Variants in LMO7 observed in about 807,000 individuals in gnomAD.
LMO7 encodes LIM domain 7, also known as LIM domain only protein 7.
Under a neutral mutation model 206.5 loss-of-function variants are expected in LMO7, and 120 were observed. The observed-to-expected ratio is 0.58, with a 90% CI of 0.50 to 0.68. The LOEUF is 0.68. Ranked by LOEUF, LMO7 falls within the 30% of genes least tolerant of loss-of-function variation. LMO7 has a pLI of 0.00. For synonymous variants in LMO7, 706 were observed against 681.5 expected, an observed-to-expected ratio of 1.04 and a Z score of -0.56; for missense variants, 1,959 against 1,957.9, an observed-to-expected ratio of 1.00 and a Z score of -0.01.
At chr13:75,810,280 A>C (rs532227059) in intron 11 of LMO7, among the ~76,000 whole-genome samples, 1 of 152,360 alleles carries the variant, frequency 6.6e-6, no homozygotes, top group South Asian at 2.1e-4. Flanking sequence ...TAATCTGCTC[A>C]AGCCTCAGTA....
chr13:75,838,398 CTT>C (rs1330083035), intron 20 of LMO7: 35 of 1,318,786 alleles, frequency 2.7e-5, no homozygotes, highest in Non-Finnish European at 3.3e-5. Context: ...GGTAATGGGT[CTT>C]TGTGTGTCCT....
At chr13:75,659,195 A>C (rs1006957528) in intron 1 of LMO7, among the ~76,000 whole-genome samples, 9 of 152,202 alleles carry the variant, frequency 5.9e-5, no homozygotes, top group Non-Finnish European at 7.3e-5. Flanking sequence ...GTCTTTAACA[A>C]ATCAATTTAT....
rs1471786188 is a variant in LMO7 at position 75,695,324 on chromosome 13, C to G, written c.70-17858C>G. ...TTTGGCTTCTGAACATTTTCTGTGT[C>G]AGGATTTTTTCTCCCAAAATGCACA... On this transcript the variant is annotated intron_variant, in intron 1 of 30. Transcript: ENST00000377534. Among the ~76,000 whole-genome samples, 4 of 152,286 alleles carry G rather than the reference C, an allele frequency of 2.6e-5. 1 individual carries two copies. The highest frequency in any genetic ancestry group is 2.6e-4 in the Admixed American group (4 of 15,300).
chr13:75,719,488 C>T (rs564640906), intron 2 of LMO7, among the ~76,000 whole-genome samples: 1 of 152,210 alleles, frequency 6.6e-6, no homozygotes, highest in South Asian at 2.1e-4. Flanking sequence ...GGGGAGGGAC[C>T]TGATGGGAGG....
At chr13:75,765,753 G>A (rs2048789375) in intron 4 of LMO7, among the ~76,000 whole-genome samples, 1 of 152,110 alleles carries the variant, frequency 6.6e-6, no homozygotes, top group African/African-American at 2.4e-5. Context: ...ACAAGCCATT[G>A]AATAATTCAA....
At chr13:75,630,444 G>T (rs932742361) in intron 2 of LMO7, among the ~76,000 whole-genome samples, 2 of 152,180 alleles carry the variant, frequency 1.3e-5, no homozygotes, top group Non-Finnish European at 2.9e-5. Flanking sequence ...AGGCTGAGGC[G>T]GGTGGATTGC....
At chr13:75,636,774 G>C in intron 1 of LMO7, 48 bp downstream of exon 1, 2 of 1,549,328 alleles carry the variant, frequency 1.3e-6, no homozygotes, top group East Asian at 2.3e-5. Flanking sequence ...GACTGCCTCG[G>C]GGCGGTCGTC....
Position 75,821,282 on chromosome 13 carries a change from A to G in LMO7, c.2313A>G (p.Glu771=). ...GACCCCCTACAATGACTGTGTCAGA[A>G]GCAAGTTACCAGAGTGAGAGAGTAG... is the stretch of plus-strand genomic sequence containing the variant. ...GKRPPTMTVS[E]ASYQSERVEE... Residue 771 remains glutamate, a synonymous_variant, in exon 14 of 31, where the codon GAA becomes GAG. Coordinates refer to ENST00000377534, the MANE Select transcript of LMO7 (RefSeq NM_001306080.2). 6.2e-7 allele frequency: 1 copy of G among 1,614,146 alleles called. No homozygotes were observed. The highest frequency in any genetic ancestry group is 8.5e-7 in the Non-Finnish European group (1 of 1,179,974).
chr13:75,759,923 C>T (rs2048011630), intron 3 of LMO7, among the ~76,000 whole-genome samples: 2 of 152,120 alleles, frequency 1.3e-5, no homozygotes, highest in African/African-American at 2.4e-5. Context: ...GCAGCATTAC[C>T]AGCTGCCTCA....
At chr13:75,649,018 G>A (rs1330185175) in intron 1 of LMO7, among the ~76,000 whole-genome samples, 1 of 152,202 alleles carries the variant, frequency 6.6e-6, no homozygotes, top group Non-Finnish European at 1.5e-5. Context: ...GTTGATGCGT[G>A]GGAGGTAACA....
intron 11 of LMO7, among the ~76,000 whole-genome samples, chr13:75,815,315 G>T (rs1209298469): frequency 1.3e-5 from 2 of 152,142 alleles, no homozygotes; most frequent in Non-Finnish European, 2.9e-5. Context: ...GTAAGAAGTG[G>T]TTATGTTCTA....
At chr13:75,855,850 G>T (rs1429804051) in intron 29 of LMO7, among the ~76,000 whole-genome samples, 1 of 152,212 alleles carries the variant, frequency 6.6e-6, no homozygotes, top group African/African-American at 2.4e-5. Flanking sequence ...AACTAAGGCT[G>T]TAATTGTTTG....
intron 1 of LMO7, among the ~76,000 whole-genome samples, chr13:75,711,343 T>C (rs1212046909): frequency 6.6e-6 from 1 of 152,210 alleles, no homozygotes; most frequent in Non-Finnish European, 1.5e-5. Flanking sequence ...TCCCTCTTTT[T>C]CTATTGATTA....
intron 1 of LMO7, among the ~76,000 whole-genome samples, chr13:75,649,710 C>G (rs1433251668): frequency 1.3e-5 from 2 of 152,202 alleles, no homozygotes; most frequent in African/African-American, 4.8e-5. Context: ...TCATTCCCTA[C>G]TGTCAGCTTA....
At position 75,761,026 on chromosome 13, in the gene LMO7, G is replaced by A. The variant is rs770844200; in HGVS notation, c.305G>A (p.Arg102Gln). 3.9e-5 allele frequency: 62 copies of A among 1,609,082 alleles called. No homozygotes were observed. Among genetic ancestry groups the A allele is most frequent in the Admixed American group, 6.7e-5 (4 of 59,642 alleles). ...HPGDLQDLSN[R>Q]VTVKQEETDR... ...GGAGATCTACAGGATTTATCAAATC[G>A]AGTCACTGTCAAGTAAGTTTCAACA... Residue 102 changes from arginine to glutamine, a missense_variant, in exon 4 of 31, where the codon CGA becomes CAA. Coordinates refer to ENST00000377534, the MANE Select transcript of LMO7 (RefSeq NM_001306080.2).
chr13:75,663,441 T>TC (rs1319581047), intron 1 of LMO7, among the ~76,000 whole-genome samples: 2 of 146,270 alleles, frequency 1.4e-5, no homozygotes, highest in South Asian at 2.2e-4. Context: ...TCTTTTTTTT[T>TC]TTTTTTTGAG....
chr13:75,660,907 A>G (rs1464328365), intron 1 of LMO7, among the ~76,000 whole-genome samples: 1 of 152,176 alleles, frequency 6.6e-6, no homozygotes, highest in Non-Finnish European at 1.5e-5. Context: ...GGGTTGACTG[A>G]TAACAGATAC....
chr13:75,816,303 G>C (rs1231543502), intron 11 of LMO7, among the ~76,000 whole-genome samples: 1 of 152,226 alleles, frequency 6.6e-6, no homozygotes, highest in Non-Finnish European at 1.5e-5. Context: ...GTAGGAAAGA[G>C]CTTCAAAGGC....
At chr13:75,638,511 G>A (rs1019288264) in intron 1 of LMO7, among the ~76,000 whole-genome samples, 1 of 152,164 alleles carries the variant, frequency 6.6e-6, no homozygotes, top group African/African-American at 2.4e-5. Context: ...ATCGTTAGCA[G>A]AGAGCTGGAT....
Sources: gnomAD v4.1 joint callset for allele counts (sites outside exome capture counted in the v4.1 genomes callset) on GRCh38, gnomAD v4.1.1 for gene constraint, MANE v1.5 for transcripts, NCBI Gene and HGNC (gene_info 2026-07-23, HGNC 2026-07-21) for gene names.